Variants in ANKRD11 observed in about 807,000 individuals in gnomAD.
ANKRD11 encodes the protein ankyrin repeat domain-containing protein 11.
In ANKRD11, 17 loss-of-function variants were observed where a neutral mutation model predicts 195.7. The ratio of observed to expected loss-of-function variants is 0.09; its 90% CI spans 0.06 to 0.13. The LOEUF is 0.13. Ranked by LOEUF, ANKRD11 falls within the 10% of genes least tolerant of loss-of-function variation. The pLI is 1.00. For synonymous variants in ANKRD11, 1,953 were observed against 1,528.1 expected (o/e 1.28, Z -6.49); for missense variants, 3,735 against 3,566.1 (o/e 1.05, Z -1.21).
chr16:89,363,245 C>T (rs889576), intron 2 of ANKRD11, among the ~76,000 whole-genome samples: 93,557 of 151,972 alleles, frequency 0.62, 29,444 homozygotes, highest in Middle Eastern at 0.76. Context: ...AAATTTTTTC[C>T]TATACTCTGC....
chr16:89,402,380 A>G (rs1230617473), intron 2 of ANKRD11, among the ~76,000 whole-genome samples: 1 of 152,046 alleles, frequency 6.6e-6, no homozygotes, highest in Non-Finnish European at 1.5e-5. Context: ...CGCTTATTTA[A>G]ATCGGTAGGC....
In ANKRD11 at chr16:89,347,311, TAA is replaced by T. The variant is rs543845061; in HGVS notation, c.-59-30235_-59-30234del. 2.0e-4 allele frequency among the ~76,000 whole-genome samples: 31 copies of T among 152,156 alleles called. No individual in the cohort carries two copies. In the East Asian group the frequency reaches 6.0e-3, roughly 29 times the overall value. ...ATGTGTGTACGTGAACATGTACACATAAAAAGAGTTCCGTTCGGCCGGGCACA... is the reference window on the plus strand; with the variant it reads ...ATGTGTGTACGTGAACATGTACACATAAAGAGTTCCGTTCGGCCGGGCACA... On this transcript the variant is annotated intron_variant, in intron 2 of 12. Transcript: ENST00000301030.
At chr16:89,376,448 G>GTTTTTTTTTTTTTTTTTTTT (rs1225458034) in intron 2 of ANKRD11, among the ~76,000 whole-genome samples, 1 of 152,106 alleles carries the variant, frequency 6.6e-6, no homozygotes, top group Non-Finnish European at 1.5e-5. Flanking sequence ...TTTTGTTTTT[G>GTTTTTTTTTTTTTTTTTTTT]TTTTTTTGAG....
intron 1 of ANKRD11, among the ~76,000 whole-genome samples, chr16:89,425,246 A>G (rs1453583963): frequency 6.6e-6 from 1 of 152,136 alleles, no homozygotes; most frequent in Non-Finnish European, 1.5e-5. Context: ...AGTGTGAGAA[A>G]TTTAGTCAAG....
intron 9 of ANKRD11, chr16:89,277,876 C>G (rs1258209175): frequency 1.3e-5 from 2 of 155,662 alleles, no homozygotes; most frequent in East Asian, 1.9e-4. Flanking sequence ...CAGGGGGGTG[C>G]TGGGTAGCTG....
At chr16:89,416,842 C>T (rs1366067804) in intron 2 of ANKRD11, among the ~76,000 whole-genome samples, 1 of 152,106 alleles carries the variant, frequency 6.6e-6, no homozygotes, top group African/African-American at 2.4e-5. Flanking sequence ...TCAGCAGTAT[C>T]CTTTTCACAA....
intron 2 of ANKRD11, among the ~76,000 whole-genome samples, chr16:89,367,284 G>A (rs777772138): frequency 1.3e-5 from 2 of 152,232 alleles, no homozygotes; most frequent in African/African-American, 2.4e-5. Context: ...GACTCCTGCC[G>A]CAGGGGCCAG....
At chr16:89,296,317 C>A (rs923557318) in intron 4 of ANKRD11, among the ~76,000 whole-genome samples, 1 of 152,118 alleles carries the variant, frequency 6.6e-6, no homozygotes, top group Admixed American at 6.5e-5. Flanking sequence ...CTGGAGCCAC[C>A]GTCTCCCTGC....
At chr16:89,429,697 GTCGTTCT>G (rs2042893602) in intron 1 of ANKRD11, among the ~76,000 whole-genome samples, 1 of 57,910 alleles carries the variant, frequency 1.7e-5, no homozygotes, top group African/African-American at 6.9e-5. Flanking sequence ...CTCACGCTCA[GTCGTTCT>G]AGTACACAGC....
At chr16:89,446,935 G>A (rs2043820817) in intron 1 of ANKRD11, among the ~76,000 whole-genome samples, 1 of 152,074 alleles carries the variant, frequency 6.6e-6, no homozygotes, top group Admixed American at 6.6e-5. Context: ...GACAGCCGAG[G>A]TGTTCTCACT....
intron 2 of ANKRD11, among the ~76,000 whole-genome samples, chr16:89,353,340 TC>T (rs2039309642): frequency 6.9e-6 from 1 of 144,356 alleles, no homozygotes; most frequent in African/African-American, 2.6e-5. Flanking sequence ...AGACTCCAAC[TC>T]CAAAAAAAAA....
intron 2 of ANKRD11, among the ~76,000 whole-genome samples, chr16:89,375,762 G>A (rs1040980774): frequency 9.7e-5 from 10 of 103,360 alleles, no homozygotes; most frequent in East Asian, 2.9e-4. Flanking sequence ...AGCCGACTCC[G>A]TCTCTTAAAA....
chr16:89,375,602 C>T (rs930499020), intron 2 of ANKRD11, among the ~76,000 whole-genome samples: 1 of 151,802 alleles, frequency 6.6e-6, no homozygotes, highest in South Asian at 2.1e-4. Context: ...TACAGGCGCC[C>T]GCCACCACGC....
chr16:89,403,174 C>T (rs1021232114), intron 2 of ANKRD11, among the ~76,000 whole-genome samples: 5 of 152,202 alleles, frequency 3.3e-5, no homozygotes, highest in Admixed American at 3.3e-4. Flanking sequence ...TTCCTGTTGG[C>T]AGGTGGACCC....
Position 89,285,375 on chromosome 16 carries a change from T to G in ANKRD11, c.1167A>C (p.Lys389Asn). 6.2e-7 allele frequency: 1 copy of G among 1,614,126 alleles called. No homozygotes were observed. Among genetic ancestry groups the G allele is most frequent in the Non-Finnish European group, 8.5e-7 (1 of 1,180,040 alleles). Residue 389 changes from lysine (K) to asparagine (N), a missense_variant, in exon 9 of 13, where the codon AAA (lysine) becomes AAC (asparagine). Physicochemically the swap from Lys to Asn is moderately conservative, Grantham distance 94. Transcript: ENST00000301030. This position sits in a 1 kb window ranked among gnomAD's most constrained non-coding sequence, Gnocchi z 5.6. ...SFISIPKMEVKSYTKNNTIAP... is the reference protein window; with the variant it reads ...SFISIPKMEVNSYTKNNTIAP... ...CAATCGTGTTATTTTTAGTGTAACT[T>G]TTAACCTCCATTTTGGGTATAGAGA...
chr16:89,286,390 G>A, intron 7 of ANKRD11: 1 of 754,860 alleles, frequency 1.3e-6, no homozygotes, highest in Non-Finnish European at 2.2e-6. Context: ...CTCCTCTGTG[G>A]GAAGGGCTGC....
At chr16:89,441,659 CG>C (rs946384314) in intron 1 of ANKRD11, among the ~76,000 whole-genome samples, 8 of 147,404 alleles carry the variant, frequency 5.4e-5, no homozygotes, top group African/African-American at 1.5e-4. Flanking sequence ...CCCAGCTACT[CG>C]GGAGGCTGAG....
At position 89,284,357 on chromosome 16, in the gene ANKRD11, T is replaced by C. The variant is rs2034496668; in HGVS notation, c.2185A>G (p.Ser729Gly). 1.9e-6 allele frequency: 3 copies of C among 1,613,926 alleles called. No homozygotes were observed. The highest frequency in any genetic ancestry group is 2.5e-6 in the Non-Finnish European group (3 of 1,180,008). Reference protein sequence around the residue: ...KRIKDTNKDISRSFREEKDRS... With the variant: ...KRIKDTNKDIGRSFREEKDRS... ...TCTTTCTCTTCTCGGAAAGACCTGC[T>C]GATGTCTTTGTTTGTGTCTTTGATT... is the stretch of plus-strand genomic sequence containing the variant. The change falls in exon 9 of 13, where the codon AGC becomes GGC. Residue 729 changes from serine (S) to glycine (G), a missense_variant. Physicochemically the swap from Ser to Gly is moderately conservative, Grantham distance 56 (BLOSUM62 0). Coordinates refer to ENST00000301030, the MANE Select transcript of ANKRD11 (RefSeq NM_013275.6).
At chr16:89,415,727 C>A (rs1049346770) in intron 2 of ANKRD11, among the ~76,000 whole-genome samples, 17 of 148,216 alleles carry the variant, frequency 1.1e-4, no homozygotes, top group African/African-American at 4.3e-4. Flanking sequence ...AGTTGGGAGG[C>A]TGAGGCAGGA....
Sources: allele counts gnomAD v4.1 joint callset (sites outside exome capture counted in the v4.1 genomes callset), GRCh38; gene constraint gnomAD v4.1.1; non-coding constraint Gnocchi (gnomAD v3.1); transcripts MANE v1.5; gene names NCBI Gene and HGNC (gene_info 2026-07-23, HGNC 2026-07-21).